Variants in RORA observed in about 807,000 individuals in gnomAD.
RORA encodes the protein nuclear receptor ROR-alpha.
RORA carries 7 observed loss-of-function variants against 69.5 expected under a neutral mutation model. That is an observed-to-expected ratio of 0.10 (90% CI 0.06 to 0.19). The LOEUF is 0.19. RORA is among the 10% of genes least tolerant of loss of function. The pLI is 1.00. For missense variants in RORA, 457 were observed against 663.0 expected (o/e 0.69, Z 3.41); for synonymous variants, 261 against 240.8 (o/e 1.08, Z -0.78).
chr15:60,862,841 T>C (rs1205869444), intron 1 of RORA, among the ~76,000 whole-genome samples: 1 of 152,172 alleles, frequency 6.6e-6, no homozygotes, highest in African/African-American at 2.4e-5. Context: ...ACTGTTCAAT[T>C]AGGAGTGTAA....
At chr15:60,512,271 C>T (rs1437714011) in intron 4 of RORA, among the ~76,000 whole-genome samples, 1 of 152,054 alleles carries the variant, frequency 6.6e-6, no homozygotes, top group Non-Finnish European at 1.5e-5. Flanking sequence ...TGAGACCCAT[C>T]TTTATTTTTA....
At chr15:60,698,898 G>A (rs1025127693) in intron 1 of RORA, among the ~76,000 whole-genome samples, 1 of 151,938 alleles carries the variant, frequency 6.6e-6, no homozygotes, top group Non-Finnish European at 1.5e-5. Flanking sequence ...TGTTGTCTAA[G>A]TTTCTTGACT....
At chr15:61,014,180 T>C (rs1157449881) in intron 1 of RORA, among the ~76,000 whole-genome samples, 1 of 152,222 alleles carries the variant, frequency 6.6e-6, no homozygotes, top group Non-Finnish European at 1.5e-5. Flanking sequence ...TGTGAACATT[T>C]GAGCAAATTA....
At chr15:61,151,744 T>C (rs1423718831) in intron 1 of RORA, among the ~76,000 whole-genome samples, 1 of 152,236 alleles carries the variant, frequency 6.6e-6, no homozygotes, top group East Asian at 1.9e-4. Context: ...AATATACTTT[T>C]TGAATACGAA....
chr15:61,042,695 C>T lies in RORA; in HGVS notation c.166+186358G>A, dbSNP rs116873606. On this transcript the variant is annotated intron_variant, in intron 1 of 10. Transcript: ENST00000335670. ...CAGTGCATGAACCAGCAGCTTCTCT[C>T]GATAAGCCTTCCTACCTACTCGGGA... Among the ~76,000 whole-genome samples, 61 of 152,324 alleles carry T rather than the reference C, an allele frequency of 4.0e-4. 2 individuals are homozygous for T. In the East Asian group the frequency reaches 0.011, roughly 28 times the overall value.
intron 2 of RORA, among the ~76,000 whole-genome samples, chr15:60,583,609 A>C (rs1221741859): frequency 1.3e-5 from 2 of 152,194 alleles, no homozygotes; most frequent in African/African-American, 2.4e-5. Context: ...TCCAGCACCA[A>C]AACAGCCTCA....
chr15:61,119,049 G>C (rs182064828), intron 1 of RORA, among the ~76,000 whole-genome samples: 46 of 147,068 alleles, frequency 3.1e-4, no homozygotes, highest in African/African-American at 1.0e-3. Context: ...GCATGAGCTG[G>C]GTGTTGAAGT....
chr15:61,046,254 C>T (rs919932875), intron 1 of RORA, among the ~76,000 whole-genome samples: 10 of 152,308 alleles, frequency 6.6e-5, no homozygotes, highest in Non-Finnish European at 1.2e-4. Context: ...GAGGAATCTA[C>T]GTCTGGCTGG....
chr15:60,657,191 T>C (rs181622968), intron 2 of RORA, among the ~76,000 whole-genome samples: 91 of 152,212 alleles, frequency 6.0e-4, no homozygotes, highest in African/African-American at 2.0e-3. Flanking sequence ...AGCCCCTGGG[T>C]GAGCTCCAAA....
At chr15:60,513,112 GC>G (rs1306541133) in intron 4 of RORA, among the ~76,000 whole-genome samples, 1 of 152,206 alleles carries the variant, frequency 6.6e-6, no homozygotes, top group Non-Finnish European at 1.5e-5. Flanking sequence ...TTCTTTTCTT[GC>G]CAAAGAGGAC....
chr15:61,184,471 C>T (rs945062042), intron 1 of RORA, among the ~76,000 whole-genome samples: 6 of 152,308 alleles, frequency 3.9e-5, no homozygotes, highest in African/African-American at 1.4e-4. Context: ...GAATTAATCA[C>T]TTCCTGCTCT....
At chr15:60,762,838 G>T (rs924575636) in intron 1 of RORA, among the ~76,000 whole-genome samples, 1 of 152,070 alleles carries the variant, frequency 6.6e-6, no homozygotes, top group African/African-American at 2.4e-5. Context: ...TTTAGAAAAT[G>T]ACATTCAAGA....
chr15:60,784,025 T>G (rs2072300709), intron 1 of RORA, among the ~76,000 whole-genome samples: 1 of 152,250 alleles, frequency 6.6e-6, no homozygotes. Context: ...TTCCACATGC[T>G]GGTCAGTAAA....
At chr15:60,793,116 G>T (rs1278104046) in intron 1 of RORA, among the ~76,000 whole-genome samples, 3 of 152,046 alleles carry the variant, frequency 2.0e-5, no homozygotes, top group African/African-American at 4.8e-5. Flanking sequence ...ACTTCTTGGT[G>T]TTTTAGTTTC....
At chr15:61,177,163 G>T (rs907774530) in intron 1 of RORA, among the ~76,000 whole-genome samples, 1 of 152,210 alleles carries the variant, frequency 6.6e-6, no homozygotes, top group Non-Finnish European at 1.5e-5. Flanking sequence ...GAACTTTTCA[G>T]CATCCACAAA....
At chr15:60,775,866 T>C (rs1307363428) in intron 1 of RORA, among the ~76,000 whole-genome samples, 1 of 152,222 alleles carries the variant, frequency 6.6e-6, no homozygotes, top group East Asian at 1.9e-4. Context: ...CGTCCTTTCA[T>C]GGCTGGGTCA....
At chr15:60,702,664 T>C (rs2071000598) in intron 1 of RORA, among the ~76,000 whole-genome samples, 2 of 152,214 alleles carry the variant, frequency 1.3e-5, no homozygotes, top group Non-Finnish European at 2.9e-5. Flanking sequence ...TTACCTAGCT[T>C]GGAAAATTTT....
chr15:60,786,746 G>C lies in RORA; in HGVS notation c.167-108060C>G, dbSNP rs1328128722. ...ATTCCTCCAGTGGTCCTTGGGCCCT[G>C]TCTTGCCTGGGACTGGCAAACAAAC... On this transcript the variant is annotated intron_variant, in intron 1 of 10. Transcript: ENST00000335670. Among the ~76,000 whole-genome samples the C allele has an allele frequency of 5.3e-5, 8 of 152,252 alleles. No homozygotes were observed. The South Asian group carries it at 1.7e-3, about 32-fold the overall frequency.
intron 2 of RORA, among the ~76,000 whole-genome samples, chr15:60,605,335 A>G (rs538490644): frequency 9.2e-5 from 14 of 152,156 alleles, no homozygotes; most frequent in Non-Finnish European, 1.5e-4. Context: ...ACAAACAAGG[A>G]CATTTAGTTA....
Sources: allele counts gnomAD v4.1 joint callset (sites outside exome capture counted in the v4.1 genomes callset), GRCh38; gene constraint gnomAD v4.1.1; transcripts MANE v1.5; gene names NCBI Gene and HGNC (gene_info 2026-07-23, HGNC 2026-07-21).